GAD2: variants seen among roughly 807,000 people sequenced by gnomAD.
GAD2 encodes the protein glutamate decarboxylase 2, also known as 65 kDa glutamic acid decarboxylase.
Under a neutral mutation model 80.1 loss-of-function variants are expected in GAD2, and 22 were observed. The observed-to-expected ratio is 0.27, with a 90% CI of 0.20 to 0.39. The LOEUF (loss-of-function observed/expected upper bound fraction) is 0.39. GAD2 is among the 10% of genes least tolerant of loss of function. The pLI, the probability that GAD2 is intolerant of heterozygous loss-of-function variation, is 1.00. For missense variants in GAD2, 624 were observed against 738.4 expected (o/e 0.85, Z 1.80); for synonymous variants, 274 against 256.9 (o/e 1.07, Z -0.64).
At chr10:26,253,984 C>G (rs936952646) in intron 8 of GAD2, among the ~76,000 whole-genome samples, 2 of 152,164 alleles carry the variant, frequency 1.3e-5, no homozygotes, top group African/African-American at 4.8e-5. Context: ...TGTTCCACCT[C>G]AGATCATCAT....
intron 8 of GAD2, among the ~76,000 whole-genome samples, chr10:26,248,846 G>T (rs747834600): frequency 2.0e-5 from 3 of 152,152 alleles, no homozygotes; most frequent in Non-Finnish European, 4.4e-5. Flanking sequence ...TTTGGGGCAA[G>T]GAGAGCTAAA....
chr10:26,224,024 G>T, intron 5 of GAD2, 47 bp downstream of exon 5: 1 of 1,315,574 alleles, frequency 7.6e-7, no homozygotes, highest in South Asian at 1.2e-5. Context: ...AATTATTAGT[G>T]ACATTCCATA....
At chr10:26,238,187 C>A (rs1433457153) in intron 7 of GAD2, among the ~76,000 whole-genome samples, 1 of 151,990 alleles carries the variant, frequency 6.6e-6, no homozygotes, top group Non-Finnish European at 1.5e-5. Context: ...GGGGATAGCC[C>A]AAAAAATGAT....
chr10:26,273,820 G>T (rs1845166872), intron 11 of GAD2, 120 bp downstream of exon 11: 1 of 760,960 alleles, frequency 1.3e-6, no homozygotes, highest in Non-Finnish European at 2.2e-6. Flanking sequence ...TTCAGTGCTT[G>T]TGTTCCTTGC....
intron 4 of GAD2, among the ~76,000 whole-genome samples, chr10:26,223,282 T>C (rs1844476182): frequency 1.3e-5 from 2 of 152,246 alleles, no homozygotes; most frequent in South Asian, 4.1e-4. Flanking sequence ...GTCCATGCCA[T>C]CTTTAGACAA....
chr10:26,258,000 G>C (rs1436193390), intron 8 of GAD2, among the ~76,000 whole-genome samples: 1 of 152,088 alleles, frequency 6.6e-6, no homozygotes, highest in African/African-American at 2.4e-5. Context: ...ATTTCCTGTG[G>C]GTGTAGATGC....
At chr10:26,224,811 G>T (rs1164218344) in intron 6 of GAD2, 160 bp downstream of exon 6, 10 of 594,368 alleles carry the variant, frequency 1.7e-5, no homozygotes, top group Non-Finnish European at 3.0e-5. Flanking sequence ...CATGACCATT[G>T]AACATGCCTC....
At position 26,269,136 on chromosome 10, in the gene GAD2, C is replaced by T. The variant is rs144416490; in HGVS notation, c.938C>T (p.Ser313Phe). The T allele has an allele frequency of 3.3e-5, 53 of 1,596,818 alleles. No individual in the cohort carries two copies. In the African/African-American group the frequency reaches 6.6e-4, roughly 20 times the overall value. Residue 313 changes from serine (S) to phenylalanine (F), a missense_variant, in exon 9 of 16, where the codon TCT (serine) becomes TTT (phenylalanine). Transcript: ENST00000376261. ...KCDERGKMIP[S>F]DLERRILEAK... is the part of the protein sequence containing the mutation. ...CCTTCCAGAGGGAAAATGATTCCAT[C>T]TGATCTTGAAAGAAGGATTCTTGAA...
At chr10:26,277,568 A>C (rs1845224496) in intron 11 of GAD2, among the ~76,000 whole-genome samples, 1 of 152,204 alleles carries the variant, frequency 6.6e-6, no homozygotes, top group Non-Finnish European at 1.5e-5. Context: ...CCAGGGACAG[A>C]CTAGAAGCTA....
chr10:26,221,405 G>A (rs1171324183), intron 4 of GAD2, among the ~76,000 whole-genome samples: 2 of 152,214 alleles, frequency 1.3e-5, no homozygotes, highest in African/African-American at 2.4e-5. Context: ...TTGGAACACG[G>A]AAAACTGAGC....
At chr10:26,247,050 T>C (rs1346392582) in intron 8 of GAD2, among the ~76,000 whole-genome samples, 1 of 152,108 alleles carries the variant, frequency 6.6e-6, no homozygotes, top group South Asian at 2.1e-4. Context: ...GGTGAGTCCA[T>C]AGAGTGAAAT....
chr10:26,244,754 C>A (rs757335865), intron 7 of GAD2, among the ~76,000 whole-genome samples: 1 of 151,788 alleles, frequency 6.6e-6, no homozygotes, highest in Admixed American at 6.6e-5. Context: ...TTAATGGGCA[C>A]GGAATTTTAG....
chr10:26,270,778 G>A, intron 10 of GAD2, 22 bp downstream of exon 10: 2 of 1,475,262 alleles, frequency 1.4e-6, no homozygotes, highest in Non-Finnish European at 1.9e-6. Context: ...TTAGGGACTG[G>A]CCACTAAAAC....
In GAD2 at chr10:26,300,991, T is replaced by G. The variant is rs1834324116; in HGVS notation, c.*30T>G. On this transcript the variant is annotated 3_prime_UTR_variant, in exon 16 of 16. Coordinates refer to ENST00000376261, the MANE Select transcript of GAD2 (RefSeq NM_001134366.2). ...CTTGCTCACCAAGCTGTTCCACTTC[T>G]CTAGGTAGACAATTAAGTTGTCACA... 1.3e-6 allele frequency: 2 copies of G among 1,572,644 alleles called. No individual in the cohort carries two copies. Among genetic ancestry groups the G allele is most frequent in the Non-Finnish European group, 1.7e-6 (2 of 1,143,668 alleles).
chr10:26,236,748 CT>C (rs1327421019), intron 7 of GAD2, among the ~76,000 whole-genome samples: 1 of 152,208 alleles, frequency 6.6e-6, no homozygotes, highest in African/African-American at 2.4e-5. Flanking sequence ...AAATGTATTG[CT>C]CCCCCCTTAG....
chr10:26,244,360 A>G (rs1020786615), intron 7 of GAD2, among the ~76,000 whole-genome samples: 1 of 152,216 alleles, frequency 6.6e-6, no homozygotes, highest in Non-Finnish European at 1.5e-5. Context: ...GTGCTGTATG[A>G]TCTAGTAATT....
intron 8 of GAD2, among the ~76,000 whole-genome samples, chr10:26,247,590 G>A (rs891003880): frequency 6.6e-6 from 1 of 151,998 alleles, no homozygotes; most frequent in Admixed American, 6.6e-5. Context: ...GGCTCACGTG[G>A]AATTCAGAAA....
intron 13 of GAD2, among the ~76,000 whole-genome samples, chr10:26,291,655 G>A (rs185957333): frequency 9.2e-5 from 14 of 152,274 alleles, no homozygotes; most frequent in African/African-American, 3.4e-4. Flanking sequence ...TCTGAGATGA[G>A]CACTGGCTTT....
At chr10:26,284,525 C>T (rs1008358912) in intron 12 of GAD2, among the ~76,000 whole-genome samples, 2 of 143,790 alleles carry the variant, frequency 1.4e-5, no homozygotes, top group Admixed American at 1.4e-4. Context: ...ATCACTTTTG[C>T]TTGTCATGTT....
Sources: allele counts gnomAD v4.1 joint callset (sites outside exome capture counted in the v4.1 genomes callset), GRCh38; gene constraint gnomAD v4.1.1; transcripts MANE v1.5; gene names NCBI Gene and HGNC (gene_info 2026-07-23, HGNC 2026-07-21).